RASD1: variants seen among roughly 807,000 people sequenced by gnomAD.
The protein encoded by RASD1 is ras related dexamethasone induced 1, also known as dexamethasone-induced Ras-related protein 1.
RASD1 carries 13 observed loss-of-function variants against 16.7 expected under a neutral mutation model. The observed-to-expected ratio is 0.78, with a 90% CI of 0.51 to 1.24. The LOEUF is 1.24. Ranked by LOEUF, RASD1 falls within the 50% of genes most tolerant of loss-of-function variation. The pLI is 0.00. For missense variants in RASD1, 397 were observed against 407.5 expected (o/e 0.97, Z 0.22); for synonymous variants, 170 against 172.6 (o/e 0.98, Z 0.12).
chr17:17,494,958 A>T lies in RASD1; in HGVS notation c.*167T>A. On this transcript the variant is annotated 3_prime_UTR_variant, in exon 2 of 2. Transcript: ENST00000225688. ...CCCGTTCTCTTTCCTTCCGGAGCAG[A>T]TGACCGTCCCTTCTCGGTTCAGTGG... 1.2e-6 allele frequency: 1 copy of T among 849,638 alleles called. No homozygotes were observed. Among genetic ancestry groups the T allele is most frequent in the Non-Finnish European group, 1.8e-6 (1 of 565,128 alleles). 52.6% of individuals were successfully genotyped at this position (849,638 alleles called of 1,614,324 possible).
chr17:17,496,226 C>G lies in RASD1; in HGVS notation c.-45G>C. On this transcript the variant is annotated 5_prime_UTR_variant, in exon 1 of 2. Transcript: ENST00000225688. ...GGCGGGCGCGGGGCCGAGAGAAGGG[C>G]AGAGAGCGGCTGAGGGTCGCTGGGG... is the stretch of plus-strand genomic sequence containing the variant. The G allele has an allele frequency of 1.3e-6, 2 of 1,519,666 alleles. No homozygotes were observed. Among genetic ancestry groups the G allele is most frequent in the Non-Finnish European group, 1.8e-6 (2 of 1,130,416 alleles). 94.1% of individuals were successfully genotyped at this position (1,519,666 alleles called of 1,614,324 possible).
rs1487585299 is a variant in RASD1, at chr17:17,496,001, G to A, written c.181C>T (p.His61Tyr). 2 of 1,614,008 alleles carry A rather than the reference G, an allele frequency of 1.2e-6. No homozygotes were observed. Among genetic ancestry groups the A allele is most frequent in the South Asian group, 1.1e-5 (1 of 91,092 alleles). ...CCGCGGATGGAGTAGAACTTGCGGTGGAAGTCCTCGATGGTAGGCGTGTAG... is the reference window on the plus strand; with the variant it reads ...CCGCGGATGGAGTAGAACTTGCGGTAGAAGTCCTCGATGGTAGGCGTGTAG... ...DAYTPTIEDF[H>Y]RKFYSIRGEV... is the part of the protein sequence containing the mutation. The change falls in exon 1 of 2, where the codon CAC becomes TAC. Residue 61 changes from histidine (H) to tyrosine (Y), a missense_variant. His to Tyr is a moderately conservative substitution (Grantham distance 83). Coordinates refer to ENST00000225688, the MANE Select transcript of RASD1 (RefSeq NM_016084.5).
chr17:17,495,440 C>T lies in RASD1; in HGVS notation c.531G>A (p.Ser177=). The T allele has an allele frequency of 1.9e-6, 3 of 1,607,616 alleles. No individual in the cohort carries two copies. Among genetic ancestry groups the T allele is most frequent in the Non-Finnish European group, 2.5e-6 (3 of 1,177,296 alleles). The part of the protein sequence containing the change: ...DPQRCAYFEI[S]AKKNSSLDQM... Reference sequence around the variant, plus strand: ...GGTCCAGGCTGCTGTTCTTCTTGGCCGAGATCTCGAAGTAGGCGCAGCGCT... The same window carrying T: ...GGTCCAGGCTGCTGTTCTTCTTGGCTGAGATCTCGAAGTAGGCGCAGCGCT... Residue 177 remains serine (S), a synonymous_variant, in exon 2 of 2, where the codon TCG becomes TCA. Coordinates refer to ENST00000225688, the MANE Select transcript of RASD1 (RefSeq NM_016084.5).
In RASD1 at chr17:17,495,512, G is replaced by A. The variant is rs757255759; in HGVS notation, c.459C>T (p.Arg153=). ...GCTCGATCTCGCGCTGGTCCACCTC[G>A]CGGTAGAAGTCGCGGTCACCCTTGT... The part of the protein sequence containing the change: ...CGNKGDRDFY[R]EVDQREIEQL... The change falls in exon 2 of 2, where the codon CGC becomes CGT. Residue 153 remains arginine (R), a synonymous_variant. Coordinates refer to ENST00000225688, the MANE Select transcript of RASD1 (RefSeq NM_016084.5). 1 of 1,612,134 alleles carries A rather than the reference G, an allele frequency of 6.2e-7. No homozygotes were observed. Among genetic ancestry groups the A allele is most frequent in the South Asian group, 1.1e-5 (1 of 90,796 alleles).
Position 17,496,301 on chromosome 17 carries a change from T to C in RASD1, c.-120A>G. 8.7e-7 allele frequency: 1 copy of C among 1,148,456 alleles called. No individual in the cohort carries two copies. The highest frequency in any genetic ancestry group is 1.2e-6 in the Non-Finnish European group (1 of 841,684). 71.1% of individuals were successfully genotyped at this position (1,148,456 alleles called of 1,614,324 possible). A position where few individuals can be genotyped will look rare whatever the true frequency, so the allele number is the denominator to read the frequency against. ...GGGCTCTGCTCGGGCTGGGCGCGGC[T>C]CGGGCTTGGGGCTCCGGCTCCGCTC... On this transcript the variant is annotated 5_prime_UTR_variant, in exon 1 of 2. Coordinates refer to ENST00000225688, the MANE Select transcript of RASD1 (RefSeq NM_016084.5).
rs146366466 is a variant in RASD1 at position 17,495,942 on chromosome 17, G to A, written c.240C>T (p.Ser80=). 36 of 1,611,584 alleles carry A rather than the reference G, an allele frequency of 2.2e-5. No homozygotes were observed. Among genetic ancestry groups the A allele is most frequent in the Non-Finnish European group, 3.0e-5 (35 of 1,179,950 alleles). ...EVYQLDILDT[S]GNHPFPAMRR... The stretch of plus-strand genomic sequence containing the variant: ...GCATGGCGGGGAACGGGTGGTTGCC[G>A]GACGTGTCGAGGATGTCGAGCTGGT... Residue 80 remains serine, a synonymous_variant, in exon 1 of 2, where the codon TCC becomes TCT. Coordinates refer to ENST00000225688, the MANE Select transcript of RASD1 (RefSeq NM_016084.5).
chr17:17,495,265 CGCCGCCGCCGCT>C lies in RASD1; in HGVS notation c.694_705del (p.Ser232_Gly235del). 6.4e-7 allele frequency: 1 copy of C among 1,561,366 alleles called. No individual in the cohort carries two copies. ...CCAAAGGCGTCGCCCGGGTCGCCGC[CGCCGCCGCCGCT>C]GCCGGCCCGCAGCAGCTTCTTGTTC... On this transcript the variant is annotated inframe_deletion, in exon 2 of 2. Coordinates refer to ENST00000225688, the MANE Select transcript of RASD1 (RefSeq NM_016084.5).
Position 17,496,171 on chromosome 17 carries a change from G to A in RASD1, c.11C>T (p.Ala4Val). The A allele has an allele frequency of 6.2e-7, 1 of 1,603,278 alleles. No homozygotes were observed. Among genetic ancestry groups the A allele is most frequent in the South Asian group, 1.1e-5 (1 of 90,474 alleles). MKL[A>V]AMIKKMCPSD... ...CGGGCACATCTTCTTGATCATCGCG[G>A]CCAGTTTCATTGGGCAGAGGGGCCG... is the stretch of plus-strand genomic sequence containing the variant. The change falls in exon 1 of 2, where the codon GCC (alanine) becomes GTC (valine). Residue 4 changes from alanine (A) to valine (V), a missense_variant. Coordinates refer to ENST00000225688, the MANE Select transcript of RASD1 (RefSeq NM_016084.5).
In RASD1 at chr17:17,496,374, C is replaced by T; in HGVS notation, c.-193G>A. The T allele has an allele frequency of 1.0e-5, 6 of 591,794 alleles. No homozygotes were observed. The highest frequency in any genetic ancestry group is 1.7e-5 in the Non-Finnish European group (6 of 361,282). The allele number at this position is 591,794 out of a possible 1,614,324, so 36.7% of individuals were successfully genotyped here. On this transcript the variant is annotated 5_prime_UTR_variant, in exon 1 of 2. Coordinates refer to ENST00000225688, the MANE Select transcript of RASD1 (RefSeq NM_016084.5). Reference sequence around the variant, plus strand: ...GGCTCGGCTGGGGTTCTCCCAGGATCTGGGCACAGGCCGCTTGCTCTGGCT... The same window carrying T: ...GGCTCGGCTGGGGTTCTCCCAGGATTTGGGCACAGGCCGCTTGCTCTGGCT...
rs1905438577 is a variant in RASD1 at position 17,496,268 on chromosome 17, C to A, written c.-87G>T. 1 of 1,396,490 alleles carries A rather than the reference C, an allele frequency of 7.2e-7. No individual in the cohort carries two copies. The highest frequency in any genetic ancestry group is 9.6e-7 in the Non-Finnish European group (1 of 1,043,344). 86.5% of individuals were successfully genotyped at this position (1,396,490 alleles called of 1,614,324 possible). On this transcript the variant is annotated 5_prime_UTR_variant, in exon 1 of 2. Transcript: ENST00000225688. ...TCGCTGGGGTGGCACGCGGGGTGAG[C>A]GGCTGGAGGGCTCTGCTCGGGCTGG...
Position 17,496,271 on chromosome 17 carries a change from C to A in RASD1, c.-90G>T, listed in dbSNP as rs541492411. 5.0e-5 allele frequency: 69 copies of A among 1,370,930 alleles called. No individual in the cohort carries two copies. In the South Asian group the frequency reaches 9.5e-4, roughly 19 times the overall value. The allele number at this position is 1,370,930 out of a possible 1,614,324, so 84.9% of individuals were successfully genotyped here. A position where few individuals can be genotyped will look rare whatever the true frequency, so the allele number is the denominator to read the frequency against. ...CTGGGGTGGCACGCGGGGTGAGCGG[C>A]TGGAGGGCTCTGCTCGGGCTGGGCG... On this transcript the variant is annotated 5_prime_UTR_variant, in exon 1 of 2. Coordinates refer to ENST00000225688, the MANE Select transcript of RASD1 (RefSeq NM_016084.5).
rs906772197 is a variant in RASD1, at chr17:17,494,560, G to A, written c.*565C>T. The stretch of plus-strand genomic sequence containing the variant: ...TTTGTTCGTGTCCATGTTGACACCG[G>A]AACTACCGTTAAAGTGCAAGTTTTG... On this transcript the variant is annotated 3_prime_UTR_variant, in exon 2 of 2. Coordinates refer to ENST00000225688, the MANE Select transcript of RASD1 (RefSeq NM_016084.5). 1 of 156,480 alleles carries A rather than the reference G, an allele frequency of 6.4e-6. No individual in the cohort carries two copies. The highest frequency in any genetic ancestry group is 1.4e-5 in the Non-Finnish European group (1 of 70,792). 9.7% of individuals were successfully genotyped at this position (156,480 alleles called of 1,614,324 possible).
In RASD1 at chr17:17,496,320, TCCGC is replaced by T. The variant is rs1356876188; in HGVS notation, c.-143_-140del. On this transcript the variant is annotated 5_prime_UTR_variant, in exon 1 of 2. Coordinates refer to ENST00000225688, the MANE Select transcript of RASD1 (RefSeq NM_016084.5). ...CGCGGCTCGGGCTTGGGGCTCCGGCTCCGCTCGGGCTGGGCTCGGGCTAGGCTGG... is the reference window on the plus strand; with the variant it reads ...CGCGGCTCGGGCTTGGGGCTCCGGCTTCGGGCTGGGCTCGGGCTAGGCTGG... 6.7e-4 allele frequency: 626 copies of T among 934,824 alleles called. 3 individuals are homozygous for T. The highest frequency in any genetic ancestry group is 5.9e-5 in the Non-Finnish European group (39 of 656,854). 57.9% of individuals were successfully genotyped at this position (934,824 alleles called of 1,614,324 possible).
In RASD1 at chr17:17,495,374, G is replaced by T; in HGVS notation, c.597C>A (p.Ser199Arg). 6.3e-7 allele frequency: 1 copy of T among 1,593,064 alleles called. No individual in the cohort carries two copies. The highest frequency in any genetic ancestry group is 8.5e-7 in the Non-Finnish European group (1 of 1,170,138). ...RALFAMAKLP[S>R]EMSPDLHRKV... ...TGCGGTGCAGGTCTGGGCTCATCTCGCTGGGCAGCTTGGCCATGGCGAAGA... is the reference window on the plus strand; with the variant it reads ...TGCGGTGCAGGTCTGGGCTCATCTCTCTGGGCAGCTTGGCCATGGCGAAGA... The change falls in exon 2 of 2, where the codon AGC (serine) becomes AGA (arginine). Residue 199 changes from serine (S) to arginine (R), a missense_variant. Ser to Arg is a moderately radical substitution (Grantham distance 110). Transcript: ENST00000225688.
chr17:17,495,136 C>T lies in RASD1; in HGVS notation c.835G>A (p.Val279Ile), dbSNP rs1905371554. The T allele has an allele frequency of 1.9e-6, 3 of 1,611,132 alleles. No homozygotes were observed. Among genetic ancestry groups the T allele is most frequent in the East Asian group, 2.2e-5 (1 of 44,852 alleles). Residue 279 changes from valine (V) to isoleucine (I), a missense_variant, in exon 2 of 2, where the codon GTC (valine) becomes ATC (isoleucine). Physicochemically the swap from Val to Ile is conservative, Grantham distance 29. Transcript: ENST00000225688. The stretch of plus-strand genomic sequence containing the variant: ...GCGCGGCGGGGCTCCTAGCTGATGA[C>T]GCAGCGCTCCTTGTCCTTGGCCTGG... ...GSQAKDKERC[V>I]IS
chr17:17,494,823 T>G lies in RASD1; in HGVS notation c.*302A>C. 2.0e-6 allele frequency: 1 copy of G among 496,760 alleles called. No homozygotes were observed. The highest frequency in any genetic ancestry group is 3.6e-6 in the Non-Finnish European group (1 of 280,696). 30.8% of individuals were successfully genotyped at this position (496,760 alleles called of 1,614,324 possible). A position where few individuals can be genotyped will look rare whatever the true frequency, so the allele number is the denominator to read the frequency against. On this transcript the variant is annotated 3_prime_UTR_variant, in exon 2 of 2. Coordinates refer to ENST00000225688, the MANE Select transcript of RASD1 (RefSeq NM_016084.5). ...TCCCTCCCCCACCCCGCGCTCACTC[T>G]TAGGTCTTTGAGAAGATAAATCCAC...
At position 17,495,774 on chromosome 17, in the gene RASD1, G is replaced by C; in HGVS notation, c.287-90C>G. 4 of 1,461,680 alleles carry C rather than the reference G, an allele frequency of 2.7e-6. No homozygotes were observed. The South Asian group carries it at 4.3e-5, about 16-fold the overall frequency. The allele number at this position is 1,461,680 out of a possible 1,614,324, so 90.5% of individuals were successfully genotyped here. A position where few individuals can be genotyped will look rare whatever the true frequency, so the allele number is the denominator to read the frequency against. Reference sequence around the variant, plus strand: ...CTGACTTTGAGGCCGCGCGGGGCGCGCTAGCCTCTCTAAGCGCGAAGCGCA... The same window carrying C: ...CTGACTTTGAGGCCGCGCGGGGCGCCCTAGCCTCTCTAAGCGCGAAGCGCA... On this transcript the variant is annotated intron_variant, in intron 1 of 1. Coordinates refer to ENST00000225688, the MANE Select transcript of RASD1 (RefSeq NM_016084.5).
rs751294823 is a variant in RASD1, at chr17:17,495,894, A to G, written c.286+2T>C. 33 of 1,604,638 alleles carry G rather than the reference A, an allele frequency of 2.1e-5. No individual in the cohort carries two copies. Among genetic ancestry groups the G allele is most frequent in the Admixed American group, 5.0e-5 (3 of 59,922 alleles). ...CCCGCACCTGCCCGGCCCCCGGCTC[A>G]CCTGTGAGGATGGAGAGGCGCCGCA... On this transcript the variant is annotated splice_donor_variant, in intron 1 of 1. Coordinates refer to ENST00000225688, the MANE Select transcript of RASD1 (RefSeq NM_016084.5). LOFTEE classifies it high-confidence loss of function.
At position 17,496,086 on chromosome 17, in the gene RASD1, C is replaced by T. The variant is rs773528012; in HGVS notation, c.96G>A (p.Ser32=). 1.2e-6 allele frequency: 2 copies of T among 1,614,106 alleles called. No homozygotes were observed. Among genetic ancestry groups the T allele is most frequent in the Non-Finnish European group, 1.7e-6 (2 of 1,180,018 alleles). ...CGATGGCCGTCTTGCCCACCTTGGA[C>T]GAGCCGAGGATGACCATGCGATAGC... ...KNCYRMVILG[S]SKVGKTAIVS... is the part of the protein sequence containing the mutation. Residue 32 remains serine, a synonymous_variant, in exon 1 of 2, where the codon TCG becomes TCA. Transcript: ENST00000225688.
Sources: gnomAD v4.1 joint callset for allele counts on GRCh38, gnomAD v4.1.1 for gene constraint, MANE v1.5 for transcripts, NCBI Gene and HGNC (gene_info 2026-07-23, HGNC 2026-07-21) for gene names.